The following ZNF799 variants were observed in gnomAD, a reference collection of about 807,000 sequenced individuals.
ZNF799 encodes the protein zinc finger protein 14.
In ZNF799, 28 loss-of-function variants were observed where a neutral mutation model predicts 41.0. The observed-to-expected ratio is 0.68, with a 90% CI of 0.51 to 0.94. The LOEUF (loss-of-function observed/expected upper bound fraction) is 0.94, where lower values mean the gene tolerates loss of function less well. ZNF799 is among the 40% of genes least tolerant of loss of function. The probability of loss-of-function intolerance (pLI) is 0.00; values close to 1 mark genes in which losing one functional copy is unlikely to be tolerated. For synonymous variants in ZNF799, 213 were observed against 252.9 expected, an observed-to-expected ratio of 0.84 and a Z score of 1.50; for missense variants, 716 against 764.3, an observed-to-expected ratio of 0.94 and a Z score of 0.74.
chr19:12,392,530 C>T, intron 3 of ZNF799, 73 bp downstream of exon 3: 11 of 1,396,914 alleles, frequency 7.9e-6, no homozygotes, highest in South Asian at 7.6e-5. Flanking sequence ...ATTTTCTTTG[C>T]TTGTTTTTAA....
Position 12,393,437 on chromosome 19 carries a change from C to G in ZNF799, c.4-14G>C. 3 of 1,307,934 alleles carry G rather than the reference C, an allele frequency of 2.3e-6. No individual in the cohort carries two copies. The highest frequency in any genetic ancestry group is 3.1e-6 in the Non-Finnish European group (3 of 967,516). 81.0% of individuals were successfully genotyped at this position (1,307,934 alleles called of 1,614,324 possible). A position where few individuals can be genotyped will look rare whatever the true frequency, so the allele number is the denominator to read the frequency against. ...AGCCACTGAGGCCTGATCCATCCCA[C>G]ATGTACAGAGGAGGAAGGGTGAAAA... On this transcript the variant is annotated splice_polypyrimidine_tract_variant and intron_variant, in intron 1 of 3. Transcript: ENST00000430385.
At position 12,391,604 on chromosome 19, in the gene ZNF799, T is replaced by C. The variant is rs762164463; in HGVS notation, c.794A>G (p.Tyr265Cys). Residue 265 changes from tyrosine (Y) to cysteine (C), a missense_variant, in exon 4 of 4, where the codon TAC becomes TGC. Tyr to Cys is a radical substitution (Grantham distance 194). Transcript: ENST00000430385. Reference sequence around the variant, plus strand: ...TCTTTCATGTCTTAGACAAGAACTGTAATCAGGGAAGGCTTTAGAACACTG... The same window carrying C: ...TCTTTCATGTCTTAGACAAGAACTGCAATCAGGGAAGGCTTTAGAACACTG... Reference protein sequence around the residue: ...CKQCSKAFPDYSSCLRHERTH... With the variant: ...CKQCSKAFPDCSSCLRHERTH... 2 of 1,614,186 alleles carry C rather than the reference T, an allele frequency of 1.2e-6. No individual in the cohort carries two copies. Among genetic ancestry groups the C allele is most frequent in the East Asian group, 2.2e-5 (1 of 44,878 alleles).
intron 1 of ZNF799, among the ~76,000 whole-genome samples, chr19:12,399,769 G>A (rs1235063595): frequency 5.3e-5 from 8 of 151,464 alleles, no homozygotes; most frequent in Admixed American, 5.3e-4. Flanking sequence ...TCAGCCTCAG[G>A]AGTAGCTGCG....
At chr19:12,402,416 C>CTTTTTTTTTTTTTTTTTTT (rs745521629), upstream of ZNF799, among the ~76,000 whole-genome samples, 3 of 125,048 alleles carry the variant, frequency 2.4e-5, no homozygotes, top group Non-Finnish European at 3.2e-5. Flanking sequence ...CCCTTTATTT[C>CTTTTTTTTTTTTTTTTTTT]TTTTTTTTTT....
chr19:12,403,614 G>T (rs368934271), upstream of ZNF799, among the ~76,000 whole-genome samples: 1 of 151,186 alleles, frequency 6.6e-6, no homozygotes, highest in African/African-American at 2.4e-5. Context: ...GTGCAATGGC[G>T]CAATCTCAGC....
chr19:12,414,217 G>A, the ZNF799 span, among the ~76,000 whole-genome samples: 3 of 152,122 alleles, frequency 2.0e-5, no homozygotes, highest in Non-Finnish European at 2.9e-5. Context: ...TGCCCCCTGG[G>A]GAACTCAGTG....
intron 1 of ZNF799, among the ~76,000 whole-genome samples, chr19:12,400,063 G>A (rs922468427): frequency 2.6e-5 from 4 of 152,152 alleles, no homozygotes; most frequent in Non-Finnish European, 5.9e-5. Flanking sequence ...TGTGAATTAA[G>A]GACAGAAGGT....
At chr19:12,394,397 A>G (rs1969866435) in intron 1 of ZNF799, 1 of 167,512 alleles carries the variant, frequency 6.0e-6, no homozygotes, top group Non-Finnish European at 1.2e-5. Flanking sequence ...ATAACAAGAA[A>G]CAGGCTAAGA....
At chr19:12,412,749 C>T in the ZNF799 span, among the ~76,000 whole-genome samples, 2 of 151,930 alleles carry the variant, frequency 1.3e-5, no homozygotes, top group African/African-American at 4.8e-5. Context: ...AGTAAACAAT[C>T]TTATCCTGGG....
At chr19:12,402,416 C>CTTTTTTTTTTTTTTTTTTTTTTTTT (rs745521629), upstream of ZNF799, among the ~76,000 whole-genome samples, 2 of 125,048 alleles carry the variant, frequency 1.6e-5, no homozygotes, top group African/African-American at 3.0e-5. Context: ...CCCTTTATTT[C>CTTTTTTTTTTTTTTTTTTTTTTTTT]TTTTTTTTTT....
the ZNF799 span, among the ~76,000 whole-genome samples, chr19:12,406,919 T>C: frequency 2.0e-5 from 3 of 151,598 alleles, no homozygotes; most frequent in Non-Finnish European, 2.9e-5. Flanking sequence ...AAAATTAAAT[T>C]AAAAAAGTAG....
rs1969976355 is a variant in ZNF799, at chr19:12,401,077, A to T, written c.-7T>A. ...GGCCCAGCACACGCACCATTTCCCG[A>T]CTTCCGCGGTGTCCCAGGTCCTCCG... On this transcript the variant is annotated 5_prime_UTR_variant, in exon 1 of 4. Coordinates refer to ENST00000430385, the MANE Select transcript of ZNF799 (RefSeq NM_001080821.3). The T allele has an allele frequency of 6.2e-7, 1 of 1,613,764 alleles. No homozygotes were observed. The highest frequency in any genetic ancestry group is 8.5e-7 in the Non-Finnish European group (1 of 1,179,828).
chr19:12,398,933 G>A (rs544844758), intron 1 of ZNF799, among the ~76,000 whole-genome samples: 4 of 152,112 alleles, frequency 2.6e-5, no homozygotes, highest in Non-Finnish European at 5.9e-5. Flanking sequence ...AAATGGAATA[G>A]AAGATTACAT....
At chr19:12,410,228 T>C in the ZNF799 span, among the ~76,000 whole-genome samples, 2 of 147,530 alleles carry the variant, frequency 1.4e-5, no homozygotes, top group Non-Finnish European at 3.0e-5. Flanking sequence ...TACATATGTG[T>C]CTGTGTATAT....
the ZNF799 span, among the ~76,000 whole-genome samples, chr19:12,411,204 A>G: frequency 6.6e-6 from 1 of 152,070 alleles, no homozygotes; most frequent in Non-Finnish European, 1.5e-5. Context: ...GAACTTGGAA[A>G]CCCAGCCTCT....
the ZNF799 span, among the ~76,000 whole-genome samples, chr19:12,407,258 G>GTT: frequency 6.6e-6 from 1 of 151,724 alleles, no homozygotes; most frequent in African/African-American, 2.4e-5. Flanking sequence ...GAGCCCAGGA[G>GTT]TTCAAGGCCA....
chr19:12,394,553 C>T (rs1165881087), intron 1 of ZNF799: 1 of 983,732 alleles, frequency 1.0e-6, no homozygotes, highest in Non-Finnish European at 1.2e-6. Context: ...AAGCTGGCAA[C>T]TAGTTTCCTT....
chr19:12,408,655 G>C, the ZNF799 span, among the ~76,000 whole-genome samples: 889 of 152,276 alleles, frequency 5.8e-3, 5 homozygotes, highest in African/African-American at 0.021. Context: ...AATTACAAGA[G>C]ATAGAGATAT....
chr19:12,402,226 G>A (rs1384218985), upstream of ZNF799, among the ~76,000 whole-genome samples: 1 of 152,212 alleles, frequency 6.6e-6, no homozygotes, highest in Admixed American at 6.5e-5. Context: ...ATTGTTCACT[G>A]TTGGCATATA....
Sources: allele counts gnomAD v4.1 joint callset (sites outside exome capture counted in the v4.1 genomes callset), GRCh38; gene constraint gnomAD v4.1.1; transcripts MANE v1.5; gene names NCBI Gene and HGNC (gene_info 2026-07-23, HGNC 2026-07-21).